The following CHCHD6 variants were observed in gnomAD, a reference collection of about 807,000 sequenced individuals.
CHCHD6 encodes the protein coiled-coil-helix-coiled-coil-helix domain containing 6.
Under a neutral mutation model 32.3 loss-of-function variants are expected in CHCHD6, and 28 were observed. The observed-to-expected ratio is 0.87, with a 90% confidence interval of 0.64 to 1.19. The LOEUF is 1.19. CHCHD6 is among the 50% of genes most tolerant of loss of function. The pLI is 0.00. For synonymous variants in CHCHD6, 122 were observed against 117.5 expected (o/e 1.04, Z -0.25); for missense variants, 333 against 307.0 (o/e 1.08, Z -0.63).
chr3:126,724,634 A>G (rs1935452582), intron 1 of CHCHD6, among the ~76,000 whole-genome samples: 1 of 152,280 alleles, frequency 6.6e-6, no homozygotes, highest in Admixed American at 6.5e-5. Context: ...TCCTTTCACA[A>G]AAGATTTCTC....
chr3:126,797,173 C>T (rs555817310), intron 4 of CHCHD6, among the ~76,000 whole-genome samples: 23 of 152,262 alleles, frequency 1.5e-4, no homozygotes, highest in East Asian at 1.9e-4. Context: ...CTCTCTAGCC[C>T]GGCGAGCAGG....
At chr3:126,817,848 C>G (rs183924710) in intron 4 of CHCHD6, among the ~76,000 whole-genome samples, 2 of 148,942 alleles carry the variant, frequency 1.3e-5, no homozygotes, top group East Asian at 3.9e-4. Flanking sequence ...TCTTCTTACC[C>G]CTTCTTCTTC....
intron 6 of CHCHD6, chr3:126,935,249 G>C (rs1292074078): frequency 1.4e-6 from 1 of 720,606 alleles, no homozygotes; most frequent in African/African-American, 1.9e-5. Flanking sequence ...CCCAGATGTG[G>C]TGTTCCCTTT....
chr3:126,852,570 TC>T (rs1467098602), intron 4 of CHCHD6, 76 bp from the exon 5 acceptor site: 2 of 977,834 alleles, frequency 2.0e-6, no homozygotes, highest in Admixed American at 3.5e-5. Context: ...AGCAGAAATG[TC>T]CGTCGCCTTC....
intron 4 of CHCHD6, among the ~76,000 whole-genome samples, chr3:126,850,022 G>A (rs574470909): frequency 6.6e-6 from 1 of 152,272 alleles, no homozygotes; most frequent in South Asian, 2.1e-4. Flanking sequence ...ATCAGTGAGT[G>A]TCTGCTCTGG....
intron 5 of CHCHD6, among the ~76,000 whole-genome samples, chr3:126,864,175 TCCCCACCTCCC>T (rs1942134894): frequency 9.2e-6 from 1 of 108,240 alleles, no homozygotes; most frequent in Non-Finnish European, 1.9e-5. Context: ...CATCACCACC[TCCCCACCTCCC>T]CCTCCTCCAC....
At chr3:126,716,300 A>C (rs1313875683) in intron 1 of CHCHD6, among the ~76,000 whole-genome samples, 6 of 152,150 alleles carry the variant, frequency 3.9e-5, no homozygotes, top group Non-Finnish European at 7.4e-5. Context: ...GCCTTTGCTC[A>C]TGCCACACCT....
At chr3:126,828,272 C>T (rs939104923) in intron 4 of CHCHD6, among the ~76,000 whole-genome samples, 3 of 152,246 alleles carry the variant, frequency 2.0e-5, no homozygotes, top group Admixed American at 6.5e-5. Flanking sequence ...TTCACATCTT[C>T]TCTTGGATGC....
intron 4 of CHCHD6, among the ~76,000 whole-genome samples, chr3:126,797,898 G>T (rs528213438): frequency 1.3e-5 from 2 of 152,168 alleles, no homozygotes; most frequent in Non-Finnish European, 2.9e-5. Context: ...GTAACAGGGC[G>T]CCTCCGTGCC....
At chr3:126,929,102 G>A (rs928378616) in intron 6 of CHCHD6, among the ~76,000 whole-genome samples, 4 of 152,178 alleles carry the variant, frequency 2.6e-5, no homozygotes, top group African/African-American at 9.7e-5. Context: ...GCATGCAGCT[G>A]GGCAGATATC....
intron 5 of CHCHD6, among the ~76,000 whole-genome samples, chr3:126,858,052 A>G (rs1941721717): frequency 6.6e-6 from 1 of 152,162 alleles, no homozygotes; most frequent in African/African-American, 2.4e-5. Context: ...GAGAGAGGCA[A>G]GTGCCGGTGG....
At chr3:126,749,860 G>T (rs562039543) in intron 4 of CHCHD6, among the ~76,000 whole-genome samples, 6 of 152,220 alleles carry the variant, frequency 3.9e-5, no homozygotes, top group Non-Finnish European at 7.3e-5. Context: ...TGTCTAGACA[G>T]TGTAGCTGGA....
intron 4 of CHCHD6, among the ~76,000 whole-genome samples, chr3:126,820,427 A>G (rs990497106): frequency 5.3e-5 from 8 of 152,148 alleles, no homozygotes; most frequent in Admixed American, 2.0e-4. Flanking sequence ...CTCTGCTGCC[A>G]TGGATTGGTT....
At position 126,889,317 on chromosome 3, in the gene CHCHD6, GA is replaced by G. The variant is rs533487864; in HGVS notation, c.496-25361del. 4.6e-5 allele frequency among the ~76,000 whole-genome samples: 7 copies of G among 152,294 alleles called. No individual in the cohort carries two copies. In the South Asian group the frequency reaches 1.2e-3, roughly 27 times the overall value. On this transcript the variant is annotated intron_variant, in intron 5 of 7. Transcript: ENST00000290913. ...TGCCAGATGACTGATGTGTCACTGA[GA>G]AGGGCTGCCCTGGAGGCTGCAGACC...
At chr3:126,769,755 C>G (rs1024947785) in intron 4 of CHCHD6, among the ~76,000 whole-genome samples, 1 of 152,194 alleles carries the variant, frequency 6.6e-6, no homozygotes, top group Non-Finnish European at 1.5e-5. Context: ...ATCCACCCAG[C>G]TTGGCCTCCC....
At chr3:126,739,833 G>A (rs527641769) in intron 4 of CHCHD6, among the ~76,000 whole-genome samples, 1 of 152,162 alleles carries the variant, frequency 6.6e-6, no homozygotes, top group South Asian at 2.1e-4. Context: ...CAACACCTTG[G>A]TCACCTCTGG....
At position 126,867,042 on chromosome 3, in the gene CHCHD6, C is replaced by G. The variant is rs576424887; in HGVS notation, c.495+14312C>G. On this transcript the variant is annotated intron_variant, in intron 5 of 7. Coordinates refer to ENST00000290913, the MANE Select transcript of CHCHD6 (RefSeq NM_032343.3). ...GCATTAAGCCTGTCGTCTCCTACAG[C>G]AGACCCCAGCCTGGATTTCATGCCA... is the stretch of plus-strand genomic sequence containing the variant. 5.3e-5 allele frequency among the ~76,000 whole-genome samples: 8 copies of G among 152,354 alleles called. No individual in the cohort carries two copies. The South Asian group carries it at 1.7e-3, about 32-fold the overall frequency.
intron 4 of CHCHD6, among the ~76,000 whole-genome samples, chr3:126,758,047 C>T (rs1186405763): frequency 6.6e-6 from 1 of 152,208 alleles, no homozygotes; most frequent in Non-Finnish European, 1.5e-5. Flanking sequence ...GAATTTGGGA[C>T]CAGATGAACT....
chr3:126,914,295 T>A (rs545046019), intron 5 of CHCHD6, among the ~76,000 whole-genome samples: 1 of 152,252 alleles, frequency 6.6e-6, no homozygotes, highest in African/African-American at 2.4e-5. Flanking sequence ...TTGTAGGTCA[T>A]GTAGTCTCTA....
Sources: allele counts gnomAD v4.1 joint callset (sites outside exome capture counted in the v4.1 genomes callset), GRCh38; gene constraint gnomAD v4.1.1; transcripts MANE v1.5; gene names NCBI Gene and HGNC (gene_info 2026-07-23, HGNC 2026-07-21).